PLXNC1: variants seen among roughly 807,000 people sequenced by gnomAD.
PLXNC1 encodes the protein plexin-C1.
A neutral mutation model predicts 178.2 loss-of-function variants in PLXNC1; 75 were observed. The ratio of observed to expected loss-of-function variants is 0.42; its 90% CI spans 0.35 to 0.51. The LOEUF (loss-of-function observed/expected upper bound fraction) is 0.51, where lower values mean the gene tolerates loss of function less well. Among genes scored for constraint, PLXNC1 ranks in the 20% least tolerant of loss-of-function variants. PLXNC1 has a pLI of 0.02. For missense variants in PLXNC1, 1,503 were observed against 1,984.4 expected (o/e 0.76, Z 4.61); for synonymous variants, 790 against 779.9 (o/e 1.01, Z -0.22).
chr12:94,155,587 C>T (rs931563249), intron 1 of PLXNC1, among the ~76,000 whole-genome samples: 5 of 152,174 alleles, frequency 3.3e-5, no homozygotes, highest in African/African-American at 1.2e-4. Context: ...TTCCTTATTC[C>T]CTCCTCACTG....
chr12:94,224,486 G>A (rs553154169), intron 7 of PLXNC1, among the ~76,000 whole-genome samples, 171 bp downstream of exon 7: 13 of 152,306 alleles, frequency 8.5e-5, no homozygotes, highest in South Asian at 6.2e-4. Flanking sequence ...AGCTCCGCTC[G>A]CACATTCTAG....
intron 21 of PLXNC1, among the ~76,000 whole-genome samples, chr12:94,269,928 T>C (rs568117705): frequency 5.3e-5 from 8 of 152,374 alleles, no homozygotes; most frequent in African/African-American, 1.9e-4. Context: ...AAAATTAACA[T>C]GTAATGGGTG....
chr12:94,233,773 G>T lies in PLXNC1; in HGVS notation c.1981-3891G>T, dbSNP rs555362129. On this transcript the variant is annotated intron_variant, in intron 9 of 30. Transcript: ENST00000258526. Reference sequence around the variant, plus strand: ...TTTTTCTTGAGTGGACCTGTATTTTGCTATTTTCTTTCCATATCTCACCTC... The same window carrying T: ...TTTTTCTTGAGTGGACCTGTATTTTTCTATTTTCTTTCCATATCTCACCTC... Among the ~76,000 whole-genome samples the T allele has an allele frequency of 1.6e-3, 245 of 152,232 alleles. 4 individuals carry two copies. Among genetic ancestry groups the T allele is most frequent in the African/African-American group, 5.8e-3 (242 of 41,522 alleles).
In PLXNC1 at chr12:94,279,523, T is replaced by C. The variant is rs146747324; in HGVS notation, c.3649T>C (p.Cys1217Arg). 6.1e-4 allele frequency: 980 copies of C among 1,614,208 alleles called. 2 individuals carry two copies. The highest frequency in any genetic ancestry group is 3.6e-3 in the Middle Eastern group (22 of 6,062). The change falls in exon 22 of 31, where the codon TGT becomes CGT. Residue 1217 changes from cysteine to arginine, a missense_variant. Around this residue, in one of 4 missense-constraint regions of PLXNC1, gnomAD observed 639 missense variants for 979.7 expected, o/e 0.65. Transcript: ENST00000258526. ...CCCGGAAAACGAGAGTGCAGATGTC[T>C]GTCGGAATATTTCAGTCAATGTTCT... Reference protein sequence around the residue: ...KIPENESADVCRNISVNVLDC... With the variant: ...KIPENESADVRRNISVNVLDC...
intron 23 of PLXNC1, among the ~76,000 whole-genome samples, 183 bp from the exon 24 acceptor site, chr12:94,294,301 GAC>G (rs1232473768): frequency 1.3e-5 from 2 of 152,132 alleles, no homozygotes; most frequent in African/African-American, 4.8e-5. Context: ...TGAGGACAGA[GAC>G]ACTGCCTTGC....
At chr12:94,236,509 G>A (rs544045865) in intron 9 of PLXNC1, among the ~76,000 whole-genome samples, 24 of 152,284 alleles carry the variant, frequency 1.6e-4, no homozygotes, top group African/African-American at 5.1e-4. Context: ...GTGGCTCAGG[G>A]GCTTCTTCCT....
At position 94,149,166 on chromosome 12, in the gene PLXNC1, G is replaced by A. The variant is rs1178991217; in HGVS notation, c.195G>A (p.Leu65=). The A allele has an allele frequency of 2.5e-6, 4 of 1,590,910 alleles. No homozygotes were observed. The highest frequency in any genetic ancestry group is 1.7e-5 in the Admixed American group (1 of 58,436). The change falls in exon 1 of 31, where the codon CTG becomes CTA. Residue 65 remains leucine, a synonymous_variant. Transcript: ENST00000258526. The part of the protein sequence containing the change: ...DGVFVASGSC[L]DQLDYSLEHS... ...TGTTTGTGGCGAGCGGCAGCTGCCT[G>A]GACCAGCTGGACTACAGCCTGGAGC...
chr12:94,182,417 CAAAAAAAAA>C (rs10596280), intron 3 of PLXNC1, among the ~76,000 whole-genome samples: 3 of 43,384 alleles, frequency 6.9e-5, no homozygotes, highest in South Asian at 2.9e-3. Flanking sequence ...GACCCTGTCT[CAAAAAAAAA>C]AAAAAAAAAA....
At chr12:94,282,684 G>T in intron 23 of PLXNC1, 1 of 276,488 alleles carries the variant, frequency 3.6e-6, no homozygotes, top group Non-Finnish European at 6.9e-6. Context: ...AAAAAGTCTA[G>T]GAAAGCCAGA....
chr12:94,266,334 GCGGGAA>G (rs756660371), intron 21 of PLXNC1, among the ~76,000 whole-genome samples: 4 of 152,194 alleles, frequency 2.6e-5, no homozygotes, highest in Non-Finnish European at 5.9e-5. Context: ...CCATCCGAGA[GCGGGAA>G]GCTGAGCTGA....
Position 94,209,711 on chromosome 12 carries a change from G to A in PLXNC1, c.1554+7G>A, listed in dbSNP as rs78996374. 1.5e-3 allele frequency: 2,356 copies of A among 1,528,054 alleles called. 50 individuals are homozygous for A. The East Asian group carries it at 0.049, about 32-fold the overall frequency. 94.7% of individuals were successfully genotyped at this position (1,528,054 alleles called of 1,614,324 possible). ...TCGAAGCAGTAAAGAAAAGGTAAGA[G>A]GAAAGATTTTAATTTGTCCTCGTTG... On this transcript the variant is annotated splice_region_variant and intron_variant, in intron 5 of 30. Coordinates refer to ENST00000258526, the MANE Select transcript of PLXNC1 (RefSeq NM_005761.3).
At chr12:94,196,597 T>C (rs959504521) in intron 4 of PLXNC1, among the ~76,000 whole-genome samples, 5 of 152,096 alleles carry the variant, frequency 3.3e-5, no homozygotes, top group African/African-American at 9.7e-5. Flanking sequence ...ATGCAAAAAA[T>C]GGACTAACAC....
At chr12:94,209,812 G>T in intron 5 of PLXNC1, 108 bp downstream of exon 5, 1 of 688,184 alleles carries the variant, frequency 1.5e-6, no homozygotes. Context: ...AACATGCTTA[G>T]TGATAGCACT....
chr12:94,202,251 C>T (rs1366953428), intron 4 of PLXNC1, among the ~76,000 whole-genome samples: 1 of 152,216 alleles, frequency 6.6e-6, no homozygotes, highest in African/African-American at 2.4e-5. Flanking sequence ...ATGTGCTTCT[C>T]TGGACTGTAA....
At chr12:94,166,458 C>A (rs188312973) in intron 1 of PLXNC1, among the ~76,000 whole-genome samples, 1 of 152,024 alleles carries the variant, frequency 6.6e-6, no homozygotes, top group East Asian at 1.9e-4. Context: ...TGCTATACTG[C>A]CTTCATTAGG....
chr12:94,281,408 C>T (rs953906059), intron 22 of PLXNC1, among the ~76,000 whole-genome samples: 1 of 152,166 alleles, frequency 6.6e-6, no homozygotes, highest in African/African-American at 2.4e-5. Context: ...GGGTGTCAGC[C>T]GCCTGGGACT....
intron 11 of PLXNC1, 57 bp from the exon 12 acceptor site, chr12:94,243,881 T>C: frequency 1.3e-6 from 1 of 795,344 alleles, no homozygotes; most frequent in East Asian, 2.5e-5. Context: ...TGTTCATAAA[T>C]GCAAAATGCC....
chr12:94,201,506 C>T (rs1202286160), intron 4 of PLXNC1, among the ~76,000 whole-genome samples: 3 of 152,054 alleles, frequency 2.0e-5, no homozygotes, highest in African/African-American at 7.2e-5. Flanking sequence ...CATTTTTCTC[C>T]CAACTTCATC....
At chr12:94,279,273 T>C (rs930131101) in intron 21 of PLXNC1, among the ~76,000 whole-genome samples, 199 bp from the exon 22 acceptor site, 1 of 152,248 alleles carries the variant, frequency 6.6e-6, no homozygotes, top group African/African-American at 2.4e-5. Context: ...ATGAGAGTTT[T>C]AACTTTCTGT....
Sources: gnomAD v4.1 joint callset for allele counts (sites outside exome capture counted in the v4.1 genomes callset) on GRCh38, gnomAD v4.1.1 for gene constraint, gnomAD v4.1.1 regional missense constraint, MANE v1.5 for transcripts, NCBI Gene and HGNC (gene_info 2026-07-23, HGNC 2026-07-21) for gene names.